NSD1: variants seen among roughly 807,000 people sequenced by gnomAD.
NSD1 encodes nuclear receptor binding SET domain protein 1.
NSD1 carries 26 observed loss-of-function variants against 242.7 expected under a neutral mutation model. The ratio of observed to expected loss-of-function variants is 0.11; its 90% CI spans 0.08 to 0.15. The LOEUF (loss-of-function observed/expected upper bound fraction) is 0.15, where lower values mean the gene tolerates loss of function less well. NSD1 is among the 10% of genes least tolerant of loss of function. The pLI, the probability that NSD1 is intolerant of heterozygous loss-of-function variation, is 1.00. For missense variants in NSD1, 2,495 were observed against 3,272.8 expected (o/e 0.76, Z 5.80); for synonymous variants, 1,106 against 1,178.1 (o/e 0.94, Z 1.25).
At position 177,158,998 on chromosome 5, in the gene NSD1, T is replaced by TTATATATATATATATATATGAATGA. The variant is rs1554173201; in HGVS notation, c.927+22987_927+22988insGAATGATATATATATATATATATAT. Among the ~76,000 whole-genome samples, 278 of 122,588 alleles carry TTATATATATATATATATATGAATGA rather than the reference T, an allele frequency of 2.3e-3. 3 individuals carry two copies. Among genetic ancestry groups the TTATATATATATATATATATGAATGA allele is most frequent in the African/African-American group, 9.8e-3 (257 of 26,306 alleles). The allele number at this position is 122,588 out of a possible 152,430, so 80.4% of individuals were successfully genotyped here. ...TATACACACATATATATGAATGATT[T>TTATATATATATATATATATGAATGA]TATATATATATATATATATATATAT... On this transcript the variant is annotated intron_variant, in intron 2 of 22. Transcript: ENST00000439151.
At chr5:177,282,436 A>G (rs1758969220) in intron 18 of NSD1, 29 bp from the exon 19 acceptor site, 3 of 1,470,656 alleles carry the variant, frequency 2.0e-6, no homozygotes, top group Non-Finnish European at 9.5e-7. Context: ...CTTTTTTGCC[A>G]TTAAGTCAGG....
intron 2 of NSD1, among the ~76,000 whole-genome samples, chr5:177,156,756 A>G (rs1758171381): frequency 6.6e-6 from 1 of 152,150 alleles, no homozygotes; most frequent in African/African-American, 2.4e-5. Flanking sequence ...ATTTAAAGGC[A>G]TGGTGGTGGC....
intron 2 of NSD1, among the ~76,000 whole-genome samples, chr5:177,175,460 TAAA>T (rs935347784): frequency 6.8e-6 from 1 of 147,988 alleles, no homozygotes; most frequent in Non-Finnish European, 1.5e-5. Flanking sequence ...ACCTCATCTC[TAAA>T]AAAAAAAATT....
chr5:177,267,726 T>C lies in NSD1; in HGVS notation c.5303+8T>C. On this transcript the variant is annotated splice_region_variant and intron_variant, in intron 15 of 22. Transcript: ENST00000439151. ...AAAAGTTGGACGATACAGGTAAGCC[T>C]GAAGAATAGCACTCATCTCTTTTAC... 3 of 1,613,278 alleles carry C rather than the reference T, an allele frequency of 1.9e-6. No individual in the cohort carries two copies. Among genetic ancestry groups the C allele is most frequent in the Non-Finnish European group, 1.7e-6 (2 of 1,179,452 alleles).
intron 2 of NSD1, among the ~76,000 whole-genome samples, chr5:177,150,377 G>A (rs1180087285): frequency 4.6e-5 from 7 of 151,976 alleles, no homozygotes; most frequent in South Asian, 4.1e-4. Flanking sequence ...GGAATCCACC[G>A]CCTTGGCCTC....
intron 3 of NSD1, among the ~76,000 whole-genome samples, chr5:177,193,307 A>T (rs558592375): frequency 5.3e-5 from 8 of 151,988 alleles, no homozygotes; most frequent in African/African-American, 1.7e-4. Flanking sequence ...TGCCTGGCTA[A>T]TTTTTTTGGT....
chr5:177,270,580 T>TA (rs1443577700), intron 16 of NSD1, among the ~76,000 whole-genome samples: 1 of 152,254 alleles, frequency 6.6e-6, no homozygotes, highest in Non-Finnish European at 1.5e-5. Flanking sequence ...TGGTCCAACT[T>TA]ACAGCTTTAT....
chr5:177,210,466 T>C lies in NSD1; in HGVS notation c.2067T>C (p.Phe689=). The part of the protein sequence containing the change: ...QKNEKIKYSR[F]AATNTRVKAK... Reference sequence around the variant, plus strand: ...ATGAAAAGATAAAGTATTCTAGGTTTGCTGCCACAAACACTAGGGTAAAAG... The same window carrying C: ...ATGAAAAGATAAAGTATTCTAGGTTCGCTGCCACAAACACTAGGGTAAAAG... Residue 689 remains phenylalanine, a synonymous_variant, in exon 5 of 23, where the codon TTT becomes TTC. Transcript: ENST00000439151. The C allele has an allele frequency of 6.2e-7, 1 of 1,614,156 alleles. No homozygotes were observed. The highest frequency in any genetic ancestry group is 8.5e-7 in the Non-Finnish European group (1 of 1,180,008).
At chr5:177,145,174 CTT>C (rs1245044584) in intron 2 of NSD1, among the ~76,000 whole-genome samples, 1 of 151,658 alleles carries the variant, frequency 6.6e-6, no homozygotes, top group Non-Finnish European at 1.5e-5. Context: ...CATTTACACT[CTT>C]AATATTCTAT....
chr5:177,195,451 G>T (rs1026031544), intron 3 of NSD1, among the ~76,000 whole-genome samples: 4 of 149,718 alleles, frequency 2.7e-5, no homozygotes, highest in African/African-American at 1.0e-4. Context: ...ACTCATTAGG[G>T]TGTCTCTCTC....
chr5:177,275,893 A>T (rs958330649), intron 17 of NSD1, among the ~76,000 whole-genome samples: 1 of 152,204 alleles, frequency 6.6e-6, no homozygotes, highest in African/African-American at 2.4e-5. Flanking sequence ...ATGGACTTAC[A>T]TGGTATTTAC....
chr5:177,220,078 G>GTTCAA (rs1473533946), intron 5 of NSD1, among the ~76,000 whole-genome samples: 1 of 152,162 alleles, frequency 6.6e-6, no homozygotes, highest in Non-Finnish European at 1.5e-5. Flanking sequence ...ATATGCAATT[G>GTTCAA]TTCAAGTCCT....
intron 2 of NSD1, among the ~76,000 whole-genome samples, chr5:177,157,022 C>T (rs1010421796): frequency 6.6e-6 from 1 of 151,992 alleles, no homozygotes; most frequent in South Asian, 2.1e-4. Context: ...AGCAAGACTC[C>T]GTCTCTAAAT....
chr5:177,287,526 C>T (rs1013565390), intron 20 of NSD1, among the ~76,000 whole-genome samples: 2 of 152,216 alleles, frequency 1.3e-5, no homozygotes, highest in African/African-American at 4.8e-5. Context: ...ATCCCAGCTA[C>T]TCAGGAGGCT....
In NSD1 at chr5:177,299,460, C is replaced by T. The variant is rs914717684; in HGVS notation, c.*4001C>T. ...CTGGGGCCACCTTGTCCATAGCCTC[C>T]GTCCACGCTGCCTGGAGCAGGTTGT... On this transcript the variant is annotated 3_prime_UTR_variant, in exon 23 of 23. Transcript: ENST00000439151. 3.4e-5 allele frequency: 8 copies of T among 233,266 alleles called. No individual in the cohort carries two copies. Among genetic ancestry groups the T allele is most frequent in the East Asian group, 3.0e-4 (5 of 16,590 alleles). The allele number at this position is 233,266 out of a possible 1,614,324, so 14.4% of individuals were successfully genotyped here.
intron 5 of NSD1, among the ~76,000 whole-genome samples, chr5:177,220,753 T>C (rs964104624): frequency 3.9e-5 from 6 of 151,902 alleles, no homozygotes; most frequent in Non-Finnish European, 7.4e-5. Flanking sequence ...GTCTTTTTAG[T>C]AGAGACAGGG....
rs1220983523 is a variant in NSD1, at chr5:177,299,162, C to A, written c.*3703C>A. ...AGTGTAAATTGAAATAAGAATAGAT[C>A]ATTGTTTTGTACACACACACAATAA... is the stretch of plus-strand genomic sequence containing the variant. On this transcript the variant is annotated 3_prime_UTR_variant, in exon 23 of 23. Coordinates refer to ENST00000439151, the MANE Select transcript of NSD1 (RefSeq NM_022455.5). 1.3e-5 allele frequency: 3 copies of A among 233,120 alleles called. No homozygotes were observed. Among genetic ancestry groups the A allele is most frequent in the Non-Finnish European group, 2.5e-5 (3 of 118,032 alleles). The allele number at this position is 233,120 out of a possible 1,614,324, so 14.4% of individuals were successfully genotyped here.
At chr5:177,145,949 C>T (rs1018265344) in intron 2 of NSD1, among the ~76,000 whole-genome samples, 1 of 149,688 alleles carries the variant, frequency 6.7e-6, no homozygotes, top group Non-Finnish European at 1.5e-5. Context: ...ATGGGCTAGG[C>T]ACAGTGACTT....
chr5:177,149,113 C>T (rs1021101611), intron 2 of NSD1, among the ~76,000 whole-genome samples: 4 of 152,174 alleles, frequency 2.6e-5, no homozygotes, highest in Admixed American at 2.6e-4. Flanking sequence ...GCCATTGCAC[C>T]TGGCCGAGTG....
Sources: allele counts gnomAD v4.1 joint callset (sites outside exome capture counted in the v4.1 genomes callset), GRCh38; gene constraint gnomAD v4.1.1; transcripts MANE v1.5; gene names NCBI Gene and HGNC (gene_info 2026-07-23, HGNC 2026-07-21).